The following TENM4 variants were observed in gnomAD, a reference collection of about 807,000 sequenced individuals.
TENM4 encodes teneurin transmembrane protein 4.
Under a neutral mutation model 243.3 loss-of-function variants are expected in TENM4, and 82 were observed. The ratio of observed to expected loss-of-function variants is 0.34; its 90% CI spans 0.28 to 0.40. The LOEUF is 0.40. Among genes scored for constraint, TENM4 ranks in the 10% least tolerant of loss-of-function variants. The pLI is 1.00. For synonymous variants in TENM4, 1,412 were observed against 1,456.3 expected (o/e 0.97, Z 0.69); for missense variants, 3,138 against 3,673.3 (o/e 0.85, Z 3.77).
At chr11:78,815,850 T>C (rs1186348839) in intron 12 of TENM4, among the ~76,000 whole-genome samples, 1 of 152,198 alleles carries the variant, frequency 6.6e-6, no homozygotes, top group Non-Finnish European at 1.5e-5. Flanking sequence ...AGGCCACAGA[T>C]ACTAAATCAA....
intron 1 of TENM4, among the ~76,000 whole-genome samples, chr11:79,428,636 C>T (rs1316812560): frequency 1.3e-5 from 2 of 152,184 alleles, no homozygotes; most frequent in Admixed American, 6.5e-5. Flanking sequence ...AGGCATTTCC[C>T]AGCACTCAGA....
At chr11:78,817,671 C>A (rs1482505815) in intron 12 of TENM4, among the ~76,000 whole-genome samples, 3 of 152,176 alleles carry the variant, frequency 2.0e-5, no homozygotes, top group Admixed American at 2.0e-4. Context: ...AAGATAATTT[C>A]CACTTTAAGC....
intron 1 of TENM4, among the ~76,000 whole-genome samples, chr11:79,353,992 T>C (rs1261876411): frequency 6.6e-6 from 1 of 152,238 alleles, no homozygotes; most frequent in Admixed American, 6.5e-5. Context: ...CAGAAGAATT[T>C]TGCCAATCTT....
At position 78,944,273 on chromosome 11, in the gene TENM4, A is replaced by G. The variant is rs555212283; in HGVS notation, c.494-40750T>C. Among the ~76,000 whole-genome samples the G allele has an allele frequency of 1.4e-3, 212 of 152,252 alleles. 4 individuals are homozygous for G. In the Middle Eastern group the frequency reaches 0.024, roughly 17 times the overall value. ...GTAGTCCTGACTCAGGCAGAAAAAA[A>G]AAACAAAGAACCTGATTCTGGTCCA... On this transcript the variant is annotated intron_variant, in intron 6 of 33. Transcript: ENST00000278550.
At chr11:78,792,385 G>A (rs1857074646) in intron 15 of TENM4, among the ~76,000 whole-genome samples, 1 of 152,188 alleles carries the variant, frequency 6.6e-6, no homozygotes, top group Non-Finnish European at 1.5e-5. Context: ...CTCAAAATCA[G>A]AGGAAAATCT....
chr11:79,344,136 A>T (rs1857287997), intron 1 of TENM4, among the ~76,000 whole-genome samples: 1 of 152,238 alleles, frequency 6.6e-6, no homozygotes, highest in Non-Finnish European at 1.5e-5. Context: ...CCTGGTACAC[A>T]GTAGGCACTT....
At chr11:79,224,964 G>A (rs529636039) in intron 2 of TENM4, among the ~76,000 whole-genome samples, 13 of 152,108 alleles carry the variant, frequency 8.5e-5, no homozygotes, top group African/African-American at 3.1e-4. Flanking sequence ...AAAAAAAGGG[G>A]GAGGGGGGAA....
At chr11:79,047,909 AATT>A in intron 6 of TENM4, among the ~76,000 whole-genome samples, 1 of 151,342 alleles carries the variant, frequency 6.6e-6, no homozygotes, top group Admixed American at 6.6e-5. Flanking sequence ...ACTAAATGAT[AATT>A]ATTAAATAAA....
intron 3 of TENM4, among the ~76,000 whole-genome samples, chr11:79,201,874 G>A (rs1383614728): frequency 6.6e-6 from 1 of 152,166 alleles, no homozygotes; most frequent in Non-Finnish European, 1.5e-5. Context: ...TGCTAGGCTA[G>A]AGGCAGAGAG....
chr11:79,290,073 G>A (rs1856328791), intron 2 of TENM4, among the ~76,000 whole-genome samples: 1 of 152,068 alleles, frequency 6.6e-6, no homozygotes, highest in Non-Finnish European at 1.5e-5. Flanking sequence ...TGGGATTACA[G>A]GCATGAGCCA....
chr11:78,885,623 A>G (rs2136282950), intron 9 of TENM4, among the ~76,000 whole-genome samples: 1 of 152,334 alleles, frequency 6.6e-6, no homozygotes, highest in South Asian at 2.1e-4. Flanking sequence ...CTTTCTAACT[A>G]AGAAATGGAA....
intron 28 of TENM4, among the ~76,000 whole-genome samples, chr11:78,692,621 G>T (rs1421892239): frequency 6.6e-6 from 1 of 152,108 alleles, no homozygotes; most frequent in Non-Finnish European, 1.5e-5. Context: ...AGAGTGTGTG[G>T]CATATAGCAT....
chr11:79,303,668 A>G (rs569720746), intron 1 of TENM4, among the ~76,000 whole-genome samples: 57 of 152,376 alleles, frequency 3.7e-4, no homozygotes, highest in African/African-American at 1.3e-3. Context: ...AATGCTGGAG[A>G]CAGGATTTTG....
chr11:78,973,856 C>A (rs981234022), intron 6 of TENM4, among the ~76,000 whole-genome samples: 3 of 151,734 alleles, frequency 2.0e-5, no homozygotes, highest in African/African-American at 7.3e-5. Context: ...GTCAGGGAAG[C>A]CCTCCCTGAG....
intron 6 of TENM4, among the ~76,000 whole-genome samples, chr11:79,027,360 GA>G (rs1481249995): frequency 6.6e-6 from 1 of 152,194 alleles, no homozygotes; most frequent in Non-Finnish European, 1.5e-5. Context: ...AAATGAGGCT[GA>G]AATTGGGGAA....
chr11:79,222,634 G>A (rs1302944539), intron 2 of TENM4, among the ~76,000 whole-genome samples: 3 of 152,162 alleles, frequency 2.0e-5, no homozygotes, highest in Non-Finnish European at 4.4e-5. Flanking sequence ...CAATGTAAAA[G>A]CATTCCTATT....
chr11:79,402,337 C>T (rs1054814364), intron 1 of TENM4, among the ~76,000 whole-genome samples: 1 of 152,168 alleles, frequency 6.6e-6, no homozygotes, highest in African/African-American at 2.4e-5. Context: ...AAATTATCAA[C>T]ATATTCTTCA....
At chr11:79,313,120 T>C (rs1389205745) in intron 1 of TENM4, among the ~76,000 whole-genome samples, 1 of 152,212 alleles carries the variant, frequency 6.6e-6, no homozygotes, top group Non-Finnish European at 1.5e-5. Context: ...CCGACTTCAG[T>C]TGTTTTTATT....
At chr11:79,087,764 G>T (rs1418237733) in intron 4 of TENM4, among the ~76,000 whole-genome samples, 1 of 152,180 alleles carries the variant, frequency 6.6e-6, no homozygotes, top group African/African-American at 2.4e-5. Context: ...TCTGCACTGG[G>T]GGTGAAGGAG....
Sources: allele counts gnomAD v4.1 joint callset (sites outside exome capture counted in the v4.1 genomes callset), GRCh38; gene constraint gnomAD v4.1.1; transcripts MANE v1.5; gene names NCBI Gene and HGNC (gene_info 2026-07-23, HGNC 2026-07-21).